The following GABRP variants were observed in gnomAD, a reference collection of about 807,000 sequenced individuals.
GABRP encodes gamma-aminobutyric acid type A receptor subunit pi, also known as gamma-aminobutyric acid receptor subunit pi.
A neutral mutation model predicts 47.8 loss-of-function variants in GABRP; 52 were observed. The observed-to-expected ratio is 1.09, with a 90% CI of 0.87 to 1.37. GABRP has a LOEUF of 1.37. Among genes scored for constraint, GABRP ranks in the 40% most tolerant of loss-of-function variants. The pLI, the probability that GABRP is intolerant of heterozygous loss-of-function variation, is 0.00. For synonymous variants in GABRP, 221 were observed against 205.8 expected (o/e 1.07, Z -0.63); for missense variants, 525 against 542.8 (o/e 0.97, Z 0.33).
At chr5:170,806,500 T>C (rs953694069) in intron 7 of GABRP, among the ~76,000 whole-genome samples, 2 of 152,232 alleles carry the variant, frequency 1.3e-5, no homozygotes, top group East Asian at 1.9e-4. Context: ...TGGAGTGCAG[T>C]GGCACGATCT....
At position 170,788,681 on chromosome 5, in the gene GABRP, A is replaced by AC; in HGVS notation, c.53+18dup. On this transcript the variant is annotated intron_variant, in intron 2 of 9. Transcript: ENST00000265294. ...TCTTCACTGAGAGGTGAGCTTTGCT[A>AC]CCCCCAGAATGGCCTCCATCTGCGT... 6.2e-7 allele frequency: 1 copy of AC among 1,613,496 alleles called. No individual in the cohort carries two copies. The highest frequency in any genetic ancestry group is 8.5e-7 in the Non-Finnish European group (1 of 1,179,600).
chr5:170,801,236 G>T (rs1055947629), intron 6 of GABRP, among the ~76,000 whole-genome samples: 1 of 152,224 alleles, frequency 6.6e-6, no homozygotes, highest in African/African-American at 2.4e-5. Context: ...CTGGGCTGGA[G>T]AGTCACATAG....
chr5:170,802,656 C>G (rs2127261558), intron 6 of GABRP, among the ~76,000 whole-genome samples: 1 of 152,246 alleles, frequency 6.6e-6, no homozygotes, highest in Non-Finnish European at 1.5e-5. Context: ...CTGGAAACCT[C>G]AGCCTCTGTT....
intron 6 of GABRP, among the ~76,000 whole-genome samples, chr5:170,803,796 G>A (rs1765656780): frequency 6.8e-6 from 1 of 148,100 alleles, no homozygotes; most frequent in African/African-American, 2.4e-5. Flanking sequence ...TTGGTTTTGA[G>A]ACAGAGTTTT....
intron 6 of GABRP, among the ~76,000 whole-genome samples, chr5:170,799,515 A>G (rs1315588905): frequency 6.6e-6 from 1 of 152,118 alleles, no homozygotes; most frequent in Non-Finnish European, 1.5e-5. Flanking sequence ...TTTGATTTGC[A>G]TTTCTCTGAT....
chr5:170,799,302 G>T (rs1236592319), intron 6 of GABRP, among the ~76,000 whole-genome samples: 1 of 152,138 alleles, frequency 6.6e-6, no homozygotes, highest in African/African-American at 2.4e-5. Flanking sequence ...ACCCAGTAAT[G>T]GGATGGCTGG....
intron 9 of GABRP, chr5:170,810,149 G>A (rs1441712857): frequency 2.1e-6 from 1 of 465,184 alleles, no homozygotes; most frequent in Non-Finnish European, 3.8e-6. Context: ...AATTATACAA[G>A]TAATGCTTTA....
intron 9 of GABRP, chr5:170,810,145 A>G: frequency 4.1e-6 from 2 of 482,782 alleles, no homozygotes; most frequent in South Asian, 4.2e-5. Context: ...CTTAAATTAT[A>G]CAAGTAATGC....
At chr5:170,797,618 G>A in intron 6 of GABRP, 70 bp downstream of exon 6, 1 of 908,578 alleles carries the variant, frequency 1.1e-6, no homozygotes, top group Admixed American at 1.7e-5. Context: ...TTCATGAAAA[G>A]TATCTCATAC....
intron 3 of GABRP, 28 bp downstream of exon 3, chr5:170,789,275 C>A: frequency 6.9e-7 from 1 of 1,438,928 alleles, no homozygotes. Flanking sequence ...TCCAGGACAT[C>A]ATTCAAAGGG....
chr5:170,790,448 A>G (rs1030012993), intron 3 of GABRP, among the ~76,000 whole-genome samples: 4 of 152,130 alleles, frequency 2.6e-5, no homozygotes, highest in African/African-American at 9.7e-5. Flanking sequence ...CCCCTCAGAT[A>G]ATAAAACCCT....
rs772546066 is a variant in GABRP at position 170,805,753 on chromosome 5, G to A, written c.579G>A (p.Leu193=). ...YDGNDVEFTW[L]RGNDSVRGLE... ...GAAATGATGTGGAGTTCACCTGGCT[G>A]AGAGGGAACGACTCTGTGCGTGGAC... The change falls in exon 7 of 10, where the codon CTG becomes CTA. Residue 193 remains leucine, a synonymous_variant. Transcript: ENST00000265294. 1 of 1,614,218 alleles carries A rather than the reference G, an allele frequency of 6.2e-7. No individual in the cohort carries two copies. The highest frequency in any genetic ancestry group is 1.1e-5 in the South Asian group (1 of 91,088).
intron 6 of GABRP, among the ~76,000 whole-genome samples, chr5:170,799,309 C>T (rs1413926180): frequency 6.6e-6 from 1 of 152,164 alleles, no homozygotes; most frequent in African/African-American, 2.4e-5. Flanking sequence ...AATGGGATGG[C>T]TGGGTCAAAT....
rs555994074 is a variant in GABRP, at chr5:170,788,667, A to T, written c.52A>T (p.Arg18Trp). 1 of 1,613,954 alleles carries T rather than the reference A, an allele frequency of 6.2e-7. No homozygotes were observed. The highest frequency in any genetic ancestry group is 1.1e-5 in the South Asian group (1 of 91,054). Residue 18 changes from arginine to tryptophan, a missense_variant and splice_region_variant, in exon 2 of 10, where the codon AGG (arginine) becomes TGG (tryptophan). Coordinates refer to ENST00000265294, the MANE Select transcript of GABRP (RefSeq NM_014211.3). Reference protein sequence around the residue: ...AFVCLSLFTERMCIQGSQFNV... With the variant: ...AFVCLSLFTEWMCIQGSQFNV... ...CGTGTGTCTGAGTCTCTTCACTGAG[A>T]GGTGAGCTTTGCTACCCCCAGAATG...
At chr5:170,803,631 T>C (rs1006048069) in intron 6 of GABRP, among the ~76,000 whole-genome samples, 1 of 152,300 alleles carries the variant, frequency 6.6e-6, no homozygotes, top group South Asian at 2.1e-4. Flanking sequence ...TGTACCCATC[T>C]GCAGTCACGC....
chr5:170,796,444 A>G (rs1301034677), intron 5 of GABRP, among the ~76,000 whole-genome samples: 1 of 152,174 alleles, frequency 6.6e-6, no homozygotes, highest in African/African-American at 2.4e-5. Flanking sequence ...AACACAATCA[A>G]TATTGTGTAA....
intron 1 of GABRP, 52 bp from the exon 2 acceptor site, chr5:170,788,522 G>C: frequency 8.2e-7 from 1 of 1,214,504 alleles, no homozygotes; most frequent in Non-Finnish European, 1.2e-6. Context: ...CTGGCCAGGA[G>C]CAGGTGAGCC....
intron 6 of GABRP, among the ~76,000 whole-genome samples, chr5:170,802,118 T>C (rs373636989): frequency 1.3e-5 from 2 of 152,232 alleles, no homozygotes; most frequent in East Asian, 1.9e-4. Context: ...ATCTAAACTG[T>C]AACCTGGGGA....
At chr5:170,794,375 CAA>C (rs34296291) in intron 4 of GABRP, 77 bp downstream of exon 4, 76,244 of 257,720 alleles carry the variant, frequency 0.3, 5,472 homozygotes, top group Admixed American at 0.35. Context: ...TCTAGCCGCT[CAA>C]AAAAAAAAAA....
Sources: allele counts gnomAD v4.1 joint callset (sites outside exome capture counted in the v4.1 genomes callset), GRCh38; gene constraint gnomAD v4.1.1; transcripts MANE v1.5; gene names NCBI Gene and HGNC (gene_info 2026-07-23, HGNC 2026-07-21).